DGKB: variants seen among roughly 807,000 people sequenced by gnomAD.
DGKB encodes 90 kDa diacylglycerol kinase.
Under a neutral mutation model 114.3 loss-of-function variants are expected in DGKB, and 67 were observed. That is an observed-to-expected ratio of 0.59 (90% CI 0.48 to 0.72). The LOEUF (loss-of-function observed/expected upper bound fraction) is 0.72. Ranked by LOEUF, DGKB falls within the 30% of genes least tolerant of loss-of-function variation. The pLI is 0.00. For missense variants in DGKB, 907 were observed against 975.2 expected, an observed-to-expected ratio of 0.93 and a Z score of 0.93; for synonymous variants, 398 against 323.1, an observed-to-expected ratio of 1.23 and a Z score of -2.49.
At chr7:14,535,695 C>A (rs1458287771) in intron 20 of DGKB, among the ~76,000 whole-genome samples, 3 of 152,064 alleles carry the variant, frequency 2.0e-5, no homozygotes, top group Non-Finnish European at 4.4e-5. Flanking sequence ...TCAAGCAATT[C>A]TCCTGCCTCA....
At chr7:14,461,806 AG>A (rs1206194714) in intron 21 of DGKB, among the ~76,000 whole-genome samples, 3 of 152,194 alleles carry the variant, frequency 2.0e-5, no homozygotes, top group Non-Finnish European at 4.4e-5. Context: ...CAACAAAAAA[AG>A]AAAATTTCAG....
rs188403664 is a variant in DGKB at position 14,279,331 on chromosome 7, G to T, written c.2122+59184C>A. Among the ~76,000 whole-genome samples the T allele has an allele frequency of 3.1e-3, 474 of 152,294 alleles. 1 individual carries two copies. The highest frequency in any genetic ancestry group is 0.011 in the African/African-American group (438 of 41,562). On this transcript the variant is annotated intron_variant, in intron 23 of 25. Coordinates refer to ENST00000402815, the MANE Select transcript of DGKB (RefSeq NM_001350709.2). ...GGGGCGCCCACCATTGCCCAGGCTT[G>T]ATTAGGTAAACAAAGCAACTGGGAA...
intron 21 of DGKB, among the ~76,000 whole-genome samples, chr7:14,350,491 T>C (rs1813250037): frequency 6.6e-6 from 1 of 151,964 alleles, no homozygotes. Context: ...CTAACAAAGA[T>C]GCAACATACA....
intron 20 of DGKB, among the ~76,000 whole-genome samples, chr7:14,517,712 C>G (rs1406785198): frequency 6.6e-6 from 1 of 151,540 alleles, no homozygotes; most frequent in East Asian, 1.9e-4. Context: ...TAAAAAAGGC[C>G]CAAAATCAAT....
intron 16 of DGKB, 84 bp downstream of exon 16, chr7:14,613,256 G>C (rs927368352): frequency 2.0e-5 from 15 of 750,298 alleles, no homozygotes; most frequent in African/African-American, 8.9e-5. Flanking sequence ...AGGAATAATT[G>C]TTTTTAAGCA....
chr7:14,276,612 G>A (rs1799038599), intron 23 of DGKB, among the ~76,000 whole-genome samples: 1 of 151,860 alleles, frequency 6.6e-6, no homozygotes, highest in East Asian at 1.9e-4. Context: ...AATTATTAGA[G>A]CAATCATGCC....
intron 5 of DGKB, among the ~76,000 whole-genome samples, chr7:14,728,701 CCTTT>C (rs1278360677): frequency 1.9e-5 from 1 of 51,576 alleles, no homozygotes; most frequent in Non-Finnish European, 3.7e-5. Context: ...TTTCCAGCCT[CCTTT>C]TTTTTTTTTT....
chr7:14,876,333 G>C (rs1238740921), intron 1 of DGKB, among the ~76,000 whole-genome samples: 1 of 152,214 alleles, frequency 6.6e-6, no homozygotes, highest in Non-Finnish European at 1.5e-5. Flanking sequence ...GCTACTCTCT[G>C]CCTAAGGGGT....
intron 23 of DGKB, among the ~76,000 whole-genome samples, chr7:14,185,745 A>C (rs1783319744): frequency 6.6e-6 from 1 of 152,286 alleles, no homozygotes; most frequent in African/African-American, 2.4e-5. Flanking sequence ...TTGACAAAAC[A>C]AACAAAAACA....
intron 9 of DGKB, among the ~76,000 whole-genome samples, chr7:14,687,273 A>C (rs1218807774): frequency 6.6e-6 from 1 of 152,194 alleles, no homozygotes; most frequent in Admixed American, 6.5e-5. Flanking sequence ...TTAACTTCCA[A>C]TAGGGTAAAT....
At chr7:14,152,704 T>C (rs1782401597) in intron 25 of DGKB, among the ~76,000 whole-genome samples, 1 of 152,134 alleles carries the variant, frequency 6.6e-6, no homozygotes, top group Admixed American at 6.6e-5. Context: ...GAAATAAGGA[T>C]GCACATATAG....
intron 20 of DGKB, among the ~76,000 whole-genome samples, chr7:14,504,988 C>A (rs1786801899): frequency 6.6e-6 from 1 of 152,256 alleles, no homozygotes; most frequent in Non-Finnish European, 1.5e-5. Context: ...GAAATCAACA[C>A]CTGTTGGGTC....
At chr7:14,609,560 AG>A (rs1279362488) in intron 16 of DGKB, among the ~76,000 whole-genome samples, 2 of 152,132 alleles carry the variant, frequency 1.3e-5, no homozygotes, top group African/African-American at 4.8e-5. Context: ...GCACAGCAAA[AG>A]AAACCATCAA....
intron 1 of DGKB, among the ~76,000 whole-genome samples, chr7:14,954,090 G>C (rs1457103686): frequency 6.6e-6 from 1 of 152,080 alleles, no homozygotes; most frequent in Non-Finnish European, 1.5e-5. Context: ...TCTTGAAGAT[G>C]TTTTACCTAT....
chr7:14,353,662 A>G (rs545800842), intron 21 of DGKB, among the ~76,000 whole-genome samples: 2 of 152,324 alleles, frequency 1.3e-5, no homozygotes, highest in East Asian at 1.9e-4. Context: ...CACTCAAAAC[A>G]TAACTCACTA....
intron 23 of DGKB, among the ~76,000 whole-genome samples, chr7:14,288,890 A>G (rs1801304378): frequency 6.6e-6 from 1 of 152,160 alleles, no homozygotes; most frequent in Non-Finnish European, 1.5e-5. Flanking sequence ...ACCCATATGC[A>G]CTGTTGCTCT....
intron 1 of DGKB, among the ~76,000 whole-genome samples, chr7:14,919,095 A>ACACACACACACACAC (rs1554345122): frequency 8.7e-6 from 1 of 114,920 alleles, no homozygotes; most frequent in African/African-American, 3.6e-5. Flanking sequence ...CACACACACA[A>ACACACACACACACAC]ACACACACAC....
intron 1 of DGKB, among the ~76,000 whole-genome samples, chr7:14,922,385 T>TGTGTAA (rs1784550913): frequency 1.2e-5 from 1 of 85,002 alleles, no homozygotes; most frequent in South Asian, 6.9e-4. Flanking sequence ...CGTGTGTGTG[T>TGTGTAA]GTGTGTGTGT....
chr7:14,270,168 A>G (rs2128430384), intron 23 of DGKB, among the ~76,000 whole-genome samples: 1 of 152,172 alleles, frequency 6.6e-6, no homozygotes, highest in South Asian at 2.1e-4. Context: ...AAAATTGTCA[A>G]AAGTGATGCA....
Sources: gnomAD v4.1 joint callset for allele counts (sites outside exome capture counted in the v4.1 genomes callset) on GRCh38, gnomAD v4.1.1 for gene constraint, MANE v1.5 for transcripts, NCBI Gene and HGNC (gene_info 2026-07-23, HGNC 2026-07-21) for gene names.